The following ACTN4 variants were observed in gnomAD, a reference collection of about 807,000 sequenced individuals.
ACTN4 encodes alpha-actinin-4.
In ACTN4, 18 loss-of-function variants were observed where a neutral mutation model predicts 114.2. The observed-to-expected ratio is 0.16, with a 90% CI of 0.11 to 0.23. The LOEUF (loss-of-function observed/expected upper bound fraction) is 0.23. ACTN4 is among the 10% of genes least tolerant of loss of function. ACTN4 has a pLI of 1.00. For synonymous variants in ACTN4, 515 were observed against 506.3 expected, an observed-to-expected ratio of 1.02 and a Z score of -0.23; for missense variants, 722 against 1,262.9, an observed-to-expected ratio of 0.57 and a Z score of 6.49.
chr19:38,699,244 C>T (rs1278152275), intron 1 of ACTN4, among the ~76,000 whole-genome samples: 1 of 152,212 alleles, frequency 6.6e-6, no homozygotes, highest in Non-Finnish European at 1.5e-5. Context: ...CCGGGCACCA[C>T]CAGGAGGCTG....
chr19:38,728,363 C>A, intron 19 of ACTN4: 1 of 1,428,484 alleles, frequency 7.0e-7, no homozygotes, highest in Non-Finnish European at 9.4e-7. Context: ...CTCTGCTTAT[C>A]TCCACAGGAT....
chr19:38,680,212 G>GTTTTTTTTTTTTTTTTTTTTTTTTTTT (rs75920199), intron 1 of ACTN4, among the ~76,000 whole-genome samples: 1 of 124,342 alleles, frequency 8.0e-6, no homozygotes. Flanking sequence ...AGCTCAGGAA[G>GTTTTTTTTTTTTTTTTTTTTTTTTTTT]TTTTTTTTTT....
At position 38,701,089 on chromosome 19, in the gene ACTN4, A is replaced by G; in HGVS notation, c.365A>G (p.Lys122Arg). Residue 122 changes from lysine (K) to arginine (R), a missense_variant, in exon 3 of 21, where the codon AAA (lysine) becomes AGA (arginine). Physicochemically the swap from Lys to Arg is conservative, Grantham distance 26 (BLOSUM62 2). This residue lies in a region of ACTN4 where 127 missense variants were observed against 311.3 expected (regional missense o/e 0.41). Coordinates refer to ENST00000252699, the MANE Select transcript of ACTN4 (RefSeq NM_004924.6). ...AAAGCGCTGGACTTTATTGCCAGCA[A>G]AGGCGTCAAGCTGGTCTCCATCGGG... is the stretch of plus-strand genomic sequence containing the variant. ...VNKALDFIASKGVKLVSIGAE... is the reference protein window; with the variant it reads ...VNKALDFIASRGVKLVSIGAE... 2 of 1,614,132 alleles carry G rather than the reference A, an allele frequency of 1.2e-6. No homozygotes were observed. Among genetic ancestry groups the G allele is most frequent in the Non-Finnish European group, 1.7e-6 (2 of 1,180,042 alleles).
intron 13 of ACTN4, 59 bp downstream of exon 13, chr19:38,723,781 G>T: frequency 6.7e-7 from 1 of 1,490,606 alleles, no homozygotes; most frequent in Non-Finnish European, 9.2e-7. Context: ...CGGGGCTGGT[G>T]GTGTGGATAG....
chr19:38,678,694 C>G (rs1407677283), intron 1 of ACTN4, among the ~76,000 whole-genome samples: 1 of 152,198 alleles, frequency 6.6e-6, no homozygotes, highest in African/African-American at 2.4e-5. Flanking sequence ...CTGGCTTGGG[C>G]TTGGGCTTTG....
chr19:38,694,264 CTT>C (rs563718301), intron 1 of ACTN4, among the ~76,000 whole-genome samples: 10 of 143,706 alleles, frequency 7.0e-5, no homozygotes, highest in Non-Finnish European at 7.6e-5. Flanking sequence ...CTGGGGCCTT[CTT>C]TTTTTTTTTT....
At chr19:38,700,764 G>A (rs1421102023) in intron 2 of ACTN4, 50 bp downstream of exon 2, 1 of 1,543,328 alleles carries the variant, frequency 6.5e-7, no homozygotes, top group Non-Finnish European at 8.9e-7. Flanking sequence ...CAGGTGCTCT[G>A]CCACAGCGGT....
chr19:38,659,931 T>TTC (rs938840636), intron 1 of ACTN4, among the ~76,000 whole-genome samples: 2 of 151,176 alleles, frequency 1.3e-5, no homozygotes, highest in Non-Finnish European at 1.5e-5. Context: ...CTTTTTTTTT[T>TTC]TTTTTTGAGT....
intron 8 of ACTN4, among the ~76,000 whole-genome samples, chr19:38,712,253 G>GA (rs966004433): frequency 2.6e-4 from 39 of 152,192 alleles, no homozygotes; most frequent in African/African-American, 8.7e-4. Flanking sequence ...AGAAGGGGGG[G>GA]GCCGTACCTT....
intron 6 of ACTN4, 141 bp downstream of exon 6, chr19:38,708,336 T>A (rs1380570785): frequency 1.1e-6 from 1 of 909,834 alleles, no homozygotes; most frequent in Non-Finnish European, 1.8e-6. Flanking sequence ...GGGAGAGCCT[T>A]GTGCAGGCTC....
At chr19:38,673,517 T>TCATATATATTTGTATATATGAATA (rs1555826155) in intron 1 of ACTN4, among the ~76,000 whole-genome samples, 1 of 80,392 alleles carries the variant, frequency 1.2e-5, no homozygotes, top group Admixed American at 1.5e-4. Context: ...GAATATATAT[T>TCATATATATTTGTATATATGAATA]TATATATATT....
In ACTN4 at chr19:38,730,664, G is replaced by GCTGTT. The variant is rs970440645; in HGVS notation, c.*1235_*1239dup. 13 of 664,544 alleles carry GCTGTT rather than the reference G, an allele frequency of 2.0e-5. No homozygotes were observed. The Admixed American group carries it at 2.9e-4, about 15-fold the overall frequency. The allele number at this position is 664,544 out of a possible 1,614,324, so 41.2% of individuals were successfully genotyped here. On this transcript the variant is annotated 3_prime_UTR_variant, in exon 21 of 21. Coordinates refer to ENST00000252699, the MANE Select transcript of ACTN4 (RefSeq NM_004924.6). ...TGTCATCTGCTCGAGAAGGGCTGTC[G>GCTGTT]CTGTTCTTGTTTCTGAGTGAGGAGT...
chr19:38,655,500 A>G (rs1038439435), intron 1 of ACTN4, among the ~76,000 whole-genome samples: 1 of 152,094 alleles, frequency 6.6e-6, no homozygotes, highest in Non-Finnish European at 1.5e-5. Flanking sequence ...CCATGTGTGT[A>G]TGTCACACTT....
At chr19:38,719,541 G>A (rs897842515) in intron 11 of ACTN4, among the ~76,000 whole-genome samples, 38 of 152,338 alleles carry the variant, frequency 2.5e-4, no homozygotes, top group African/African-American at 8.4e-4. Context: ...GGAAGGGCCT[G>A]GCCAGGCCGG....
intron 9 of ACTN4, among the ~76,000 whole-genome samples, chr19:38,714,804 A>G (rs1487052618): frequency 6.6e-6 from 1 of 152,180 alleles, no homozygotes. Context: ...TTGGGTTCCT[A>G]CAGAGATGCT....
In ACTN4 at chr19:38,724,425, T is replaced by G. The variant is rs1254738208; in HGVS notation, c.1876-6T>G. 6.2e-7 allele frequency: 1 copy of G among 1,613,012 alleles called. No individual in the cohort carries two copies. The highest frequency in any genetic ancestry group is 1.1e-5 in the South Asian group (1 of 91,080). ...GACCGCTCCCACACCGCGTCTCCTC[T>G]GCCAGGTGCAGCAGCTGGTGCCAAA... is the stretch of plus-strand genomic sequence containing the variant. On this transcript the variant is annotated splice_polypyrimidine_tract_variant and splice_region_variant and intron_variant, in intron 15 of 20. Coordinates refer to ENST00000252699, the MANE Select transcript of ACTN4 (RefSeq NM_004924.6). The surrounding 1 kb of genome is among the most constrained non-coding windows in gnomAD (Gnocchi z 7.0).
chr19:38,701,390 C>T (rs981427903), intron 3 of ACTN4, among the ~76,000 whole-genome samples: 3 of 152,202 alleles, frequency 2.0e-5, no homozygotes, highest in South Asian at 4.1e-4. Context: ...ACGGCTTCTG[C>T]AGGGGGAGGA....
In ACTN4 at chr19:38,658,409, A is replaced by G. The variant is rs150772857; in HGVS notation, c.162+10502A>G. Reference sequence around the variant, plus strand: ...AACTCTAAATTTCCCACAAATCCCAAGCACAAGTAACTTTTTTTTTAAATC... The same window carrying G: ...AACTCTAAATTTCCCACAAATCCCAGGCACAAGTAACTTTTTTTTTAAATC... On this transcript the variant is annotated intron_variant, in intron 1 of 20. Coordinates refer to ENST00000252699, the MANE Select transcript of ACTN4 (RefSeq NM_004924.6). 3.9e-3 allele frequency among the ~76,000 whole-genome samples: 598 copies of G among 152,318 alleles called. 3 individuals are homozygous for G. Among genetic ancestry groups the G allele is most frequent in the African/African-American group, 0.014 (565 of 41,564 alleles).
chr19:38,728,798 G>T (rs938616422), intron 19 of ACTN4, among the ~76,000 whole-genome samples, 198 bp from the exon 20 acceptor site: 10 of 152,218 alleles, frequency 6.6e-5, no homozygotes, highest in Non-Finnish European at 1.5e-4. Flanking sequence ...CTGGGGGCTT[G>T]GAGGCCTGGG....
Sources: allele counts gnomAD v4.1 joint callset (sites outside exome capture counted in the v4.1 genomes callset), GRCh38; gene constraint gnomAD v4.1.1; regional missense constraint gnomAD v4.1.1; non-coding constraint Gnocchi (gnomAD v3.1); transcripts MANE v1.5; gene names NCBI Gene and HGNC (gene_info 2026-07-23, HGNC 2026-07-21).